The following CPM variants were observed in gnomAD, a reference collection of about 807,000 sequenced individuals.
CPM encodes carboxypeptidase M.
A neutral mutation model predicts 46.4 loss-of-function variants in CPM; 35 were observed. The ratio of observed to expected loss-of-function variants is 0.75; its 90% CI spans 0.58 to 1.00. CPM has a LOEUF of 1.00. Ranked by LOEUF, CPM falls within the 50% of genes least tolerant of loss-of-function variation. The pLI is 0.00. For missense variants in CPM, 422 were observed against 530.4 expected (o/e 0.80, Z 2.01); for synonymous variants, 195 against 195.3 (o/e 1.00, Z 0.01).
intron 5 of CPM, chr12:68,842,524 T>A: frequency 1.1e-5 from 4 of 373,906 alleles, no homozygotes; most frequent in Non-Finnish European, 2.1e-5. Flanking sequence ...TCTACATTGC[T>A]GTCTACAAAA....
At chr12:68,921,194 G>GTGTGA (rs1278340670) in intron 2 of CPM, among the ~76,000 whole-genome samples, 1 of 150,680 alleles carries the variant, frequency 6.6e-6, no homozygotes, top group Non-Finnish European at 1.5e-5. Flanking sequence ...TAGTGCAGTG[G>GTGTGA]TGTGATCTCG....
At chr12:68,929,267 CGTTT>C (rs1565802954) in intron 2 of CPM, among the ~76,000 whole-genome samples, 1 of 152,036 alleles carries the variant, frequency 6.6e-6, no homozygotes, top group African/African-American at 2.4e-5. Flanking sequence ...ATGACACACA[CGTTT>C]GTTTGCTTCC....
At chr12:68,873,332 C>T (rs1263577086) in intron 3 of CPM, among the ~76,000 whole-genome samples, 1 of 152,174 alleles carries the variant, frequency 6.6e-6, no homozygotes, top group East Asian at 1.9e-4. Context: ...AAAGAGACCA[C>T]ATTTTAAACA....
At chr12:68,845,507 GTAAT>G (rs1884220692) in intron 5 of CPM, 1 of 197,498 alleles carries the variant, frequency 5.1e-6, no homozygotes, top group African/African-American at 2.3e-5. Context: ...TAACGTTAGA[GTAAT>G]AGTATTTTGA....
intron 2 of CPM, among the ~76,000 whole-genome samples, chr12:68,901,065 G>A (rs1031581823): frequency 6.6e-6 from 1 of 152,102 alleles, no homozygotes; most frequent in African/African-American, 2.4e-5. Flanking sequence ...AGGGACAAGG[G>A]GTATGTGGGA....
Position 68,880,248 on chromosome 12 carries a change from T to C in CPM, c.258+5544A>G, listed in dbSNP as rs142154755. ...TGCCTGGATGAACCAGAAAAACACC[T>C]ACTAGTCTTATTAAAATGAGAAAGA... On this transcript the variant is annotated intron_variant, in intron 3 of 8. Transcript: ENST00000551568. Among the ~76,000 whole-genome samples, 424 of 152,292 alleles carry C rather than the reference T, an allele frequency of 2.8e-3. 4 individuals carry two copies. The highest frequency in any genetic ancestry group is 9.8e-3 in the African/African-American group (408 of 41,554).
intron 2 of CPM, among the ~76,000 whole-genome samples, chr12:68,916,803 G>A (rs1887822945): frequency 6.6e-6 from 1 of 150,440 alleles, no homozygotes; most frequent in South Asian, 2.1e-4. Context: ...CAGGAGAATC[G>A]CTTGAACTCA....
chr12:68,961,425 T>C (rs1390627492), intron 1 of CPM, among the ~76,000 whole-genome samples: 1 of 152,092 alleles, frequency 6.6e-6, no homozygotes, highest in East Asian at 1.9e-4. Context: ...GGATTACAGA[T>C]GCAAGACACA....
intron 2 of CPM, among the ~76,000 whole-genome samples, chr12:68,890,307 T>C (rs552440589): frequency 6.6e-6 from 1 of 151,922 alleles, no homozygotes; most frequent in Non-Finnish European, 1.5e-5. Context: ...AGAGGCTAAA[T>C]GATAGGATGA....
At chr12:68,905,303 C>G (rs1444840277) in intron 2 of CPM, among the ~76,000 whole-genome samples, 3 of 151,226 alleles carry the variant, frequency 2.0e-5, no homozygotes, top group Non-Finnish European at 4.4e-5. Context: ...TTTTTTTAAA[C>G]AGGGTCTCAC....
Position 68,856,614 on chromosome 12 carries a change from G to C in CPM, c.1155C>G (p.Phe385Leu). The change falls in exon 9 of 9, where the codon TTC becomes TTG. Residue 385 changes from phenylalanine (F) to leucine (L), a missense_variant. Physicochemically the swap from Phe to Leu is conservative, Grantham distance 22. Transcript: ENST00000551568. ...KVIIPEKSQN[F>L]SALKKDILLP... is the part of the protein sequence containing the mutation. ...GTAGAATATCCTTTTTAAGAGCACT[G>C]AAGTTCTGGGATTTCTCCGGAATAA... 1 of 1,614,202 alleles carries C rather than the reference G, an allele frequency of 6.2e-7. No individual in the cohort carries two copies. Among genetic ancestry groups the C allele is most frequent in the South Asian group, 1.1e-5 (1 of 91,088 alleles).
At chr12:68,895,907 C>G (rs1886854402) in intron 2 of CPM, among the ~76,000 whole-genome samples, 1 of 152,174 alleles carries the variant, frequency 6.6e-6, no homozygotes, top group African/African-American at 2.4e-5. Flanking sequence ...AGTAAACTTT[C>G]CTTTGTTTGG....
At chr12:68,944,368 A>C (rs1043727261) in intron 1 of CPM, among the ~76,000 whole-genome samples, 3 of 152,190 alleles carry the variant, frequency 2.0e-5, no homozygotes, top group African/African-American at 7.2e-5. Flanking sequence ...ACAGAAAGAA[A>C]ATTACAGGAT....
intron 2 of CPM, among the ~76,000 whole-genome samples, chr12:68,894,284 A>C (rs999563528): frequency 2.0e-5 from 3 of 152,192 alleles, no homozygotes; most frequent in Non-Finnish European, 4.4e-5. Flanking sequence ...GGTTTTGTTC[A>C]CTGCTAACCT....
chr12:68,871,396 G>A lies in CPM; in HGVS notation c.431+388C>T, dbSNP rs1371718898. Among the ~76,000 whole-genome samples, 3 of 152,280 alleles carry A rather than the reference G, an allele frequency of 2.0e-5. No homozygotes were observed. The East Asian group carries it at 5.8e-4, about 29-fold the overall frequency. On this transcript the variant is annotated intron_variant, in intron 4 of 8. Transcript: ENST00000551568. Reference sequence around the variant, plus strand: ...CCAGGTGATGTGAGAGTTTATCAGGGGATCTAGTGTATGACAGGTCGAGAG... The same window carrying A: ...CCAGGTGATGTGAGAGTTTATCAGGAGATCTAGTGTATGACAGGTCGAGAG...
At chr12:68,914,196 GGAT>G (rs1887714082) in intron 2 of CPM, among the ~76,000 whole-genome samples, 1 of 152,172 alleles carries the variant, frequency 6.6e-6, no homozygotes. Flanking sequence ...TTTCAAAGTG[GGAT>G]AGCTAGTGCA....
At chr12:68,874,643 T>C (rs758677335) in intron 3 of CPM, among the ~76,000 whole-genome samples, 4 of 151,764 alleles carry the variant, frequency 2.6e-5, no homozygotes, top group South Asian at 2.1e-4. Flanking sequence ...AAAAAGATCG[T>C]TGGTTTAAGA....
intron 1 of CPM, among the ~76,000 whole-genome samples, chr12:68,946,916 C>T (rs1232508856): frequency 1.3e-5 from 2 of 152,170 alleles, no homozygotes; most frequent in African/African-American, 2.4e-5. Flanking sequence ...GTTTTCTTGA[C>T]TCTGAAAAAC....
Position 68,871,863 on chromosome 12 carries a change from G to A in CPM, c.352C>T (p.Arg118Trp), listed in dbSNP as rs1885713852. Residue 118 changes from arginine to tryptophan, a missense_variant, in exon 4 of 9, where the codon CGG becomes TGG. Coordinates refer to ENST00000551568, the MANE Select transcript of CPM (RefSeq NM_198320.5). ...TTCATGGAAGGCATGATGTGTATCC[G>A]GGTACTATTGATCAGATTTGTGATT... ...PEITNLINST[R>W]IHIMPSMNPD... The A allele has an allele frequency of 5.6e-6, 9 of 1,614,098 alleles. No homozygotes were observed. The highest frequency in any genetic ancestry group is 1.1e-5 in the South Asian group (1 of 91,072).
Sources: allele counts gnomAD v4.1 joint callset (sites outside exome capture counted in the v4.1 genomes callset), GRCh38; gene constraint gnomAD v4.1.1; transcripts MANE v1.5; gene names NCBI Gene and HGNC (gene_info 2026-07-23, HGNC 2026-07-21).